Variants in HMGA2 observed in about 807,000 individuals in gnomAD.
HMGA2 encodes high mobility group protein HMGI-C.
HMGA2 carries 8 observed loss-of-function variants against 19.1 expected under a neutral mutation model. That is an observed-to-expected ratio of 0.42 (90% confidence interval 0.25 to 0.76). The LOEUF is 0.76. Ranked by LOEUF, HMGA2 falls within the 30% of genes least tolerant of loss-of-function variation. The pLI, the probability that HMGA2 is intolerant of heterozygous loss-of-function variation, is 0.28. For synonymous variants in HMGA2, 60 were observed against 48.8 expected, an observed-to-expected ratio of 1.23 and a Z score of -0.96; for missense variants, 109 against 136.3, an observed-to-expected ratio of 0.80 and a Z score of 1.00.
chr12:65,842,104 T>C, intron 3 of HMGA2: 1 of 1,289,340 alleles, frequency 7.8e-7, no homozygotes, highest in Non-Finnish European at 1.0e-6. Context: ...AGAGGTAAAT[T>C]GGGTCTCTTT....
chr12:65,940,775 A>G (rs999399710), intron 3 of HMGA2, among the ~76,000 whole-genome samples: 12 of 152,180 alleles, frequency 7.9e-5, no homozygotes, highest in Admixed American at 7.9e-4. Flanking sequence ...TTGCAAGTCA[A>G]TTACTGTCTT....
intron 3 of HMGA2, among the ~76,000 whole-genome samples, chr12:65,932,904 A>G (rs1314432075): frequency 1.3e-5 from 2 of 152,200 alleles, no homozygotes; most frequent in Non-Finnish European, 2.9e-5. Flanking sequence ...AATTATTGCA[A>G]TGACTATAGC....
chr12:65,942,715 T>G (rs990079083), intron 3 of HMGA2: 1 of 152,176 alleles, frequency 6.6e-6, no homozygotes, highest in Non-Finnish European at 1.5e-5. Context: ...AAATGCCTAT[T>G]AAACTGCTAT....
Position 65,951,263 on chromosome 12 carries a change from T to C in HMGA2, c.250-120T>C, listed in dbSNP as rs113299293. 90 of 665,156 alleles carry C rather than the reference T, an allele frequency of 1.4e-4. 2 individuals are homozygous for C. Among genetic ancestry groups the C allele is most frequent in the African/African-American group, 1.1e-3 (61 of 54,204 alleles). The allele number at this position is 665,156 out of a possible 1,614,324, so 41.2% of individuals were successfully genotyped here. ...CACTTTTAACATTGGATATACCAGTTGAACTTTATACTTTCCTCTTTCCTT... is the reference window on the plus strand; with the variant it reads ...CACTTTTAACATTGGATATACCAGTCGAACTTTATACTTTCCTCTTTCCTT... On this transcript the variant is annotated intron_variant, in intron 3 of 4. Coordinates refer to ENST00000403681, the MANE Select transcript of HMGA2 (RefSeq NM_003483.6).
At chr12:65,862,875 A>G (rs1475201090) in intron 3 of HMGA2, among the ~76,000 whole-genome samples, 1 of 152,214 alleles carries the variant, frequency 6.6e-6, no homozygotes, top group Non-Finnish European at 1.5e-5. Context: ...ACTGCACACA[A>G]AGGAGATAAT....
intron 3 of HMGA2, among the ~76,000 whole-genome samples, chr12:65,860,990 T>C (rs887042603): frequency 2.6e-5 from 4 of 152,228 alleles, no homozygotes; most frequent in Non-Finnish European, 5.9e-5. Flanking sequence ...GGCACACTTT[T>C]CTGCAGAACT....
At chr12:65,899,480 A>C (rs1350967069) in intron 3 of HMGA2, among the ~76,000 whole-genome samples, 1 of 152,198 alleles carries the variant, frequency 6.6e-6, no homozygotes, top group African/African-American at 2.4e-5. Context: ...GTGATATGAT[A>C]ATTGCAGGAT....
intron 3 of HMGA2, chr12:65,842,505 C>T (rs1032155252): frequency 9.5e-6 from 10 of 1,047,492 alleles, no homozygotes; most frequent in Non-Finnish European, 1.4e-5. Flanking sequence ...ATTATGTCCT[C>T]AATATATTTA....
chr12:65,933,203 A>G (rs1323913533), intron 3 of HMGA2, among the ~76,000 whole-genome samples: 1 of 152,056 alleles, frequency 6.6e-6, no homozygotes, highest in Non-Finnish European at 1.5e-5. Flanking sequence ...ATAGGTTTGA[A>G]ATGTTTCCTT....
chr12:65,950,058 T>C (rs1158200516), intron 3 of HMGA2, among the ~76,000 whole-genome samples: 2 of 152,164 alleles, frequency 1.3e-5, no homozygotes, highest in Non-Finnish European at 2.9e-5. Flanking sequence ...ATAACAAGCA[T>C]TGGCATGTAT....
At chr12:65,854,378 C>T (rs1871624478) in intron 3 of HMGA2, among the ~76,000 whole-genome samples, 1 of 152,136 alleles carries the variant, frequency 6.6e-6, no homozygotes, top group Non-Finnish European at 1.5e-5. Context: ...TGGGCTTTGA[C>T]CAGTTTTCCC....
chr12:65,927,849 GTGTA>G (rs1174955398), intron 3 of HMGA2, among the ~76,000 whole-genome samples: 1 of 149,480 alleles, frequency 6.7e-6, no homozygotes, highest in African/African-American at 2.5e-5. Flanking sequence ...GTGTGTGTGT[GTGTA>G]TATATATTTT....
chr12:65,933,474 A>G (rs1156095), intron 3 of HMGA2, among the ~76,000 whole-genome samples: 17,586 of 152,248 alleles, frequency 0.12, 1,333 homozygotes, highest in Non-Finnish European at 0.17. Flanking sequence ...TGTGTAAACA[A>G]TCACTATAGT....
intron 3 of HMGA2, chr12:65,915,351 C>T (rs1875055083): frequency 4.5e-6 from 6 of 1,346,280 alleles, no homozygotes; most frequent in Admixed American, 3.0e-5. Flanking sequence ...CACCCTTGTA[C>T]GAATTTGAAA....
Position 65,963,266 on chromosome 12 carries a change from T to G in HMGA2, c.304T>G (p.Ser102Ala). ...PAQEETEETS[S>A]QESAEED ...CCAGGAGGAAACTGAAGAGACATCC[T>G]CACAAGAGTCTGCCGAAGAGGACTA... Residue 102 changes from serine (S) to alanine (A), a missense_variant, in exon 5 of 5, where the codon TCA becomes GCA. Coordinates refer to ENST00000403681, the MANE Select transcript of HMGA2 (RefSeq NM_003483.6). 1 of 1,613,710 alleles carries G rather than the reference T, an allele frequency of 6.2e-7. No homozygotes were observed. The highest frequency in any genetic ancestry group is 8.5e-7 in the Non-Finnish European group (1 of 1,179,836).
At chr12:65,875,589 ATTT>A (rs71096056) in intron 3 of HMGA2, among the ~76,000 whole-genome samples, 32 of 26,100 alleles carry the variant, frequency 1.2e-3, no homozygotes, top group African/African-American at 2.5e-3. Context: ...GTGCCCGGCT[ATTT>A]TTTTTTTTTT....
intron 3 of HMGA2, among the ~76,000 whole-genome samples, chr12:65,936,031 T>C (rs1875881558): frequency 6.6e-6 from 1 of 152,204 alleles, no homozygotes; most frequent in African/African-American, 2.4e-5. Flanking sequence ...ACATGTCTAA[T>C]ACATATAGCT....
At chr12:65,828,156 T>C in intron 2 of HMGA2, 69 bp downstream of exon 2, 2 of 1,151,974 alleles carry the variant, frequency 1.7e-6, no homozygotes, top group Non-Finnish European at 2.6e-6. Context: ...CCTGTAACTT[T>C]CCCATTCTAA....
At chr12:65,842,979 A>G in intron 3 of HMGA2, 2 of 745,486 alleles carry the variant, frequency 2.7e-6, no homozygotes, top group Non-Finnish European at 3.4e-6. Flanking sequence ...CTGGAGGAAA[A>G]GAAGCAAGAA....
Sources: gnomAD v4.1 joint callset for allele counts (sites outside exome capture counted in the v4.1 genomes callset) on GRCh38, gnomAD v4.1.1 for gene constraint, MANE v1.5 for transcripts, NCBI Gene and HGNC (gene_info 2026-07-23, HGNC 2026-07-21) for gene names.